ZNF541: variants seen among roughly 807,000 people sequenced by gnomAD.
The protein encoded by ZNF541 is zinc finger protein 541.
ZNF541 carries 23 observed loss-of-function variants against 123.5 expected under a neutral mutation model. The observed-to-expected ratio is 0.19, with a 90% CI of 0.13 to 0.26. The LOEUF (loss-of-function observed/expected upper bound fraction) is 0.26, where lower values mean the gene tolerates loss of function less well. Ranked by LOEUF, ZNF541 falls within the 10% of genes least tolerant of loss-of-function variation. The pLI is 1.00. For synonymous variants in ZNF541, 751 were observed against 754.5 expected (o/e 1.00, Z 0.08); for missense variants, 1,612 against 1,789.9 (o/e 0.90, Z 1.79).
In ZNF541 at chr19:47,544,112, G is replaced by A; in HGVS notation, c.2403+14C>T. On this transcript the variant is annotated intron_variant, in intron 5 of 16. Transcript: ENST00000391901. ...ACTCCACTCTGGTCAGGCCACGTGAGAGAGAGCTGGTACCTGGATTCTGCT... is the reference window on the plus strand; with the variant it reads ...ACTCCACTCTGGTCAGGCCACGTGAAAGAGAGCTGGTACCTGGATTCTGCT... 1 of 1,536,742 alleles carries A rather than the reference G, an allele frequency of 6.5e-7. No homozygotes were observed.
At chr19:47,530,653 T>C (rs1291759751) in intron 12 of ZNF541, among the ~76,000 whole-genome samples, 3 of 152,042 alleles carry the variant, frequency 2.0e-5, no homozygotes, top group Admixed American at 1.3e-4. Context: ...CTTTTCTTTT[T>C]TTTTCTTTTT....
intron 8 of ZNF541, 132 bp from the exon 9 acceptor site, chr19:47,538,571 G>A (rs1969935649): frequency 1.3e-5 from 13 of 982,848 alleles, no homozygotes; most frequent in Non-Finnish European, 1.9e-5. Flanking sequence ...CCCGGCAAAG[G>A]AGGCTGGCCA....
In ZNF541 at chr19:47,532,941, C is replaced by T. The variant is rs372875989; in HGVS notation, c.3126G>A (p.Val1042=). The change falls in exon 10 of 17, where the codon GTG becomes GTA. Residue 1042 remains valine, a synonymous_variant. Coordinates refer to ENST00000391901, the MANE Select transcript of ZNF541 (RefSeq NM_001277075.3). ...TGCTGATTTTGGTGTCATCCTTCACCACACAGATGCCAAAGGACCCATCCA... is the reference window on the plus strand; with the variant it reads ...TGCTGATTTTGGTGTCATCCTTCACTACACAGATGCCAAAGGACCCATCCA... ...DQVDGSFGIC[V]VKDDTKISIE... 7 of 1,550,168 alleles carry T rather than the reference C, an allele frequency of 4.5e-6. No homozygotes were observed. Among genetic ancestry groups the T allele is most frequent in the Non-Finnish European group, 6.1e-6 (7 of 1,146,282 alleles).
chr19:47,528,859 G>T, intron 14 of ZNF541, 91 bp downstream of exon 14: 1 of 975,472 alleles, frequency 1.0e-6, no homozygotes, highest in Non-Finnish European at 1.6e-6. Flanking sequence ...AGGTGAGGGT[G>T]GGGCCCTCCG....
At chr19:47,538,574 G>T in intron 8 of ZNF541, 135 bp from the exon 9 acceptor site, 1 of 950,724 alleles carries the variant, frequency 1.1e-6, no homozygotes. Context: ...GGCAAAGGAG[G>T]CTGGCCACAC....
intron 5 of ZNF541, among the ~76,000 whole-genome samples, chr19:47,543,901 C>G (rs1179360110): frequency 3.3e-5 from 5 of 152,088 alleles, no homozygotes; most frequent in Non-Finnish European, 7.4e-5. Context: ...ACTTCAGCCT[C>G]CCATCCCAAA....
At chr19:47,565,768 G>A (rs551763746) in intron 2 of ZNF541, among the ~76,000 whole-genome samples, 3 of 152,276 alleles carry the variant, frequency 2.0e-5, no homozygotes, top group Non-Finnish European at 4.4e-5. Context: ...CTGCACAGGA[G>A]CTATACACTT....
chr19:47,539,806 C>T lies in ZNF541; in HGVS notation c.2695G>A (p.Gly899Arg), dbSNP rs865854569. ...GTGGGGTCCAAGGGCTTCTTGGTTC[C>T]TGGGGGACTATGCCTGTCCCCTTCT... is the stretch of plus-strand genomic sequence containing the variant. ...RPEGDRHSPP[G>R]TKKPLDPTAA... Residue 899 changes from glycine to arginine, a missense_variant, in exon 8 of 17, where the codon GGA (glycine) becomes AGA (arginine). By Grantham distance (125) the Gly-to-Arg change is moderately radical. Transcript: ENST00000391901. The T allele has an allele frequency of 6.7e-7, 1 of 1,489,524 alleles. No individual in the cohort carries two copies. Among genetic ancestry groups the T allele is most frequent in the Non-Finnish European group, 8.9e-7 (1 of 1,127,858 alleles). The allele number at this position is 1,489,524 out of a possible 1,614,324, so 92.3% of individuals were successfully genotyped here. A position where few individuals can be genotyped will look rare whatever the true frequency, so the allele number is the denominator to read the frequency against.
intron 3 of ZNF541, among the ~76,000 whole-genome samples, chr19:47,551,271 C>T (rs1434218805): frequency 6.6e-6 from 1 of 152,058 alleles, no homozygotes; most frequent in African/African-American, 2.4e-5. Context: ...AACTTCTGGC[C>T]TCAGGTGATC....
chr19:47,567,845 G>C (rs1202364457), intron 2 of ZNF541, among the ~76,000 whole-genome samples: 1 of 152,088 alleles, frequency 6.6e-6, no homozygotes, highest in African/African-American at 2.4e-5. Flanking sequence ...CCAAACTCAG[G>C]CTTAAATGTC....
chr19:47,556,462 A>G (rs1455174482), intron 2 of ZNF541, among the ~76,000 whole-genome samples: 1 of 152,168 alleles, frequency 6.6e-6, no homozygotes, highest in Non-Finnish European at 1.5e-5. Context: ...TTTTTTACAG[A>G]TATCAAATCG....
intron 12 of ZNF541, among the ~76,000 whole-genome samples, 186 bp from the exon 13 acceptor site, chr19:47,529,838 C>T (rs921950599): frequency 6.6e-6 from 1 of 152,216 alleles, no homozygotes; most frequent in Non-Finnish European, 1.5e-5. Flanking sequence ...AACCGTGTCA[C>T]CAGGCACACC....
intron 14 of ZNF541, 24 bp downstream of exon 14, chr19:47,528,926 G>A: frequency 6.5e-7 from 1 of 1,540,312 alleles, no homozygotes; most frequent in Non-Finnish European, 8.8e-7. Flanking sequence ...CAGGGCCTTG[G>A]ACACCAGCCC....
chr19:47,548,037 CAA>C (rs762537736), intron 4 of ZNF541, among the ~76,000 whole-genome samples: 12 of 52,598 alleles, frequency 2.3e-4, no homozygotes, highest in Non-Finnish European at 1.2e-4. Flanking sequence ...CAAGACTGTC[CAA>C]AAAAAAAAAA....
At position 47,555,592 on chromosome 19, in the gene ZNF541, G is replaced by A. The variant is rs373097051; in HGVS notation, c.265C>T (p.Leu89=). Reference sequence around the variant, plus strand: ...GACTCCGAATCTGCGTACTCCTCCAGCAGCTTCACAGAATCACTGTCCTTC... The same window carrying A: ...GACTCCGAATCTGCGTACTCCTCCAACAGCTTCACAGAATCACTGTCCTTC... ...SGKDSDSVKL[L]EEYADSESQA... is the part of the protein sequence containing the mutation. Residue 89 remains leucine, a synonymous_variant, in exon 3 of 17, where the codon CTG becomes TTG. Coordinates refer to ENST00000391901, the MANE Select transcript of ZNF541 (RefSeq NM_001277075.3). The A allele has an allele frequency of 1.6e-4, 245 of 1,550,842 alleles. No individual in the cohort carries two copies. Among genetic ancestry groups the A allele is most frequent in the Non-Finnish European group, 2.1e-4 (237 of 1,146,500 alleles).
intron 2 of ZNF541, among the ~76,000 whole-genome samples, chr19:47,562,187 T>C (rs551163621): frequency 6.6e-5 from 10 of 152,034 alleles, no homozygotes; most frequent in Non-Finnish European, 1.5e-4. Context: ...AGGTGGAGGC[T>C]GCAGTGAGCC....
chr19:47,521,780 C>T lies in ZNF541; in HGVS notation c.3711+74G>A, dbSNP rs1969043573. 1.3e-6 allele frequency: 2 copies of T among 1,530,646 alleles called. No individual in the cohort carries two copies. The highest frequency in any genetic ancestry group is 1.8e-6 in the Non-Finnish European group (2 of 1,134,852). The allele number at this position is 1,530,646 out of a possible 1,614,324, so 94.8% of individuals were successfully genotyped here. On this transcript the variant is annotated intron_variant, in intron 15 of 16. Coordinates refer to ENST00000391901, the MANE Select transcript of ZNF541 (RefSeq NM_001277075.3). This position sits in a 1 kb window ranked among gnomAD's most constrained non-coding sequence, Gnocchi z 4.2. ...ATCAGGAGCACCCCCGCCCTCTGACCCCACCGTCCAACTCAACGGGTAGCA... is the reference window on the plus strand; with the variant it reads ...ATCAGGAGCACCCCCGCCCTCTGACTCCACCGTCCAACTCAACGGGTAGCA...
chr19:47,545,516 G>T lies in ZNF541; in HGVS notation c.1013C>A (p.Pro338His). Residue 338 changes from proline (P) to histidine (H), a missense_variant, in exon 5 of 17, where the codon CCT becomes CAT. Pro to His is a moderately conservative substitution (Grantham distance 77, BLOSUM62 -2). Coordinates refer to ENST00000391901, the MANE Select transcript of ZNF541 (RefSeq NM_001277075.3). This position sits in a 1 kb window ranked among gnomAD's most constrained non-coding sequence, Gnocchi z 7.5. ...GGCCGGCTCTTTCTGTGGGAGGCAA[G>T]GCTCCTCGGGAAGCTCGGTGTCCAG... is the stretch of plus-strand genomic sequence containing the variant. ...AALDTELPEE[P>H]CLPQKEPATD... is the part of the protein sequence containing the mutation. 6.6e-7 allele frequency: 1 copy of T among 1,509,368 alleles called. No individual in the cohort carries two copies. The highest frequency in any genetic ancestry group is 8.9e-7 in the Non-Finnish European group (1 of 1,124,936). 93.5% of individuals were successfully genotyped at this position (1,509,368 alleles called of 1,614,324 possible).
chr19:47,539,960 T>A, intron 7 of ZNF541, 82 bp from the exon 8 acceptor site: 1 of 1,497,914 alleles, frequency 6.7e-7, no homozygotes, highest in Middle Eastern at 1.7e-4. Context: ...AAAAAAGCTG[T>A]CATAGAAAAC....
Sources: gnomAD v4.1 joint callset for allele counts (sites outside exome capture counted in the v4.1 genomes callset) on GRCh38, gnomAD v4.1.1 for gene constraint, Gnocchi (gnomAD v3.1) non-coding constraint, MANE v1.5 for transcripts, NCBI Gene and HGNC (gene_info 2026-07-23, HGNC 2026-07-21) for gene names.